The following SV2B variants were observed in gnomAD, a reference collection of about 807,000 sequenced individuals.
The protein encoded by SV2B is solute carrier family 22 member B2.
A neutral mutation model predicts 73.9 loss-of-function variants in SV2B; 41 were observed. The observed-to-expected ratio is 0.56, with a 90% CI of 0.43 to 0.72. The LOEUF (loss-of-function observed/expected upper bound fraction) is 0.72, where lower values mean the gene tolerates loss of function less well. Among genes scored for constraint, SV2B ranks in the 30% least tolerant of loss-of-function variants. The pLI is 0.00. For synonymous variants in SV2B, 314 were observed against 314.2 expected (o/e 1.00, Z 0.01); for missense variants, 764 against 857.8 (o/e 0.89, Z 1.37).
chr15:91,257,596 T>G (rs2047743145), intron 4 of SV2B, among the ~76,000 whole-genome samples: 2 of 152,222 alleles, frequency 1.3e-5, no homozygotes, highest in African/African-American at 2.4e-5. Flanking sequence ...TGTGTAGCCG[T>G]ATAACAGCTT....
intron 1 of SV2B, among the ~76,000 whole-genome samples, chr15:91,156,088 G>A (rs961983530): frequency 6.6e-6 from 1 of 152,098 alleles, no homozygotes; most frequent in African/African-American, 2.4e-5. Context: ...AGTGTTTTAT[G>A]TTCGTGTCAG....
intron 1 of SV2B, among the ~76,000 whole-genome samples, chr15:91,117,982 G>T (rs977610632): frequency 6.6e-6 from 1 of 152,162 alleles, no homozygotes; most frequent in East Asian, 1.9e-4. Context: ...AATTCCTCAT[G>T]ACTTTCAAGA....
At position 91,157,174 on chromosome 15, in the gene SV2B, C is replaced by G. The variant is rs546003794; in HGVS notation, c.-392+56811C>G. 2.0e-5 allele frequency among the ~76,000 whole-genome samples: 3 copies of G among 152,126 alleles called. No individual in the cohort carries two copies. The South Asian group carries it at 6.2e-4, about 32-fold the overall frequency. On this transcript the variant is annotated intron_variant, in intron 1 of 12. Transcript: ENST00000394232. ...TTTTTACCTTTTTCCCATTTCTACT[C>G]GTCAAAGTCTGCAGAACCTTCCGGG...
At chr15:91,256,527 A>T (rs1311613881) in intron 4 of SV2B, among the ~76,000 whole-genome samples, 1 of 152,188 alleles carries the variant, frequency 6.6e-6, no homozygotes, top group Non-Finnish European at 1.5e-5. Flanking sequence ...ATGCCAGAGT[A>T]GTTTTTGCAC....
At chr15:91,135,008 T>A (rs959401343) in intron 1 of SV2B, among the ~76,000 whole-genome samples, 4 of 151,830 alleles carry the variant, frequency 2.6e-5, no homozygotes, top group Admixed American at 1.3e-4. Context: ...TTTTTTTTTT[T>A]TTTTATTTTG....
At chr15:91,135,625 C>A (rs2042798028) in intron 1 of SV2B, among the ~76,000 whole-genome samples, 1 of 152,152 alleles carries the variant, frequency 6.6e-6, no homozygotes, top group African/African-American at 2.4e-5. Context: ...AAAATCGAAA[C>A]CATGACGCCA....
rs1290365139 is a variant in SV2B at position 91,233,108 on chromosome 15, G to A, written c.451+6394G>A. 8.5e-5 allele frequency among the ~76,000 whole-genome samples: 13 copies of A among 152,114 alleles called. No individual in the cohort carries two copies. In the South Asian group the frequency reaches 1.2e-3, roughly 15 times the overall value. On this transcript the variant is annotated intron_variant, in intron 2 of 12. Coordinates refer to ENST00000394232, the MANE Select transcript of SV2B (RefSeq NM_001323032.3). ...CCACCTTTTCTTTATCCAATCCCCC[G>A]TTGATGGGCACTTATGTTGATTCGA...
Position 91,226,105 on chromosome 15 carries a change from AG to A in SV2B, c.-150del, listed in dbSNP as rs530516419. 1.5e-3 allele frequency: 1,008 copies of A among 656,838 alleles called. No homozygotes were observed. Among genetic ancestry groups the A allele is most frequent in the Admixed American group, 2.7e-3 (85 of 31,368 alleles). The allele number at this position is 656,838 out of a possible 1,614,324, so 40.7% of individuals were successfully genotyped here. On this transcript the variant is annotated 5_prime_UTR_variant, in exon 2 of 13. Coordinates refer to ENST00000394232, the MANE Select transcript of SV2B (RefSeq NM_001323032.3). ...CAAATCTGGTTGATTTGAGAGATAA[AG>A]GGGGGGGGAACCAGTGTGACTTTCA...
intron 1 of SV2B, among the ~76,000 whole-genome samples, chr15:91,199,485 G>C (rs78191364): frequency 6.6e-6 from 1 of 152,190 alleles, no homozygotes; most frequent in South Asian, 2.1e-4. Flanking sequence ...AGAATGGGTC[G>C]TGGGTTTCTG....
chr15:91,223,904 G>C lies in SV2B; in HGVS notation c.-391-1969G>C, dbSNP rs2141476720. Among the ~76,000 whole-genome samples the C allele has an allele frequency of 6.6e-6, 1 of 152,380 alleles. No individual in the cohort carries two copies. Among genetic ancestry groups the C allele is most frequent in the South Asian group, 2.1e-4 (1 of 4,828 alleles). On this transcript the variant is annotated intron_variant, in intron 1 of 12. Transcript: ENST00000394232. This position sits in a 1 kb window ranked among gnomAD's most constrained non-coding sequence, Gnocchi z 4.6. ...TTATTTGTGGAAAATGCAGATTGCA[G>C]GGCCCTGCCCTATCCTGCAGATTCA...
chr15:91,282,440 A>G (rs2048712906), intron 10 of SV2B, among the ~76,000 whole-genome samples: 1 of 152,216 alleles, frequency 6.6e-6, no homozygotes, highest in African/African-American at 2.4e-5. Context: ...TACTACCCTC[A>G]TCATAAATTA....
intron 1 of SV2B, among the ~76,000 whole-genome samples, chr15:91,138,060 AAAGAC>A (rs1409304239): frequency 3.3e-5 from 5 of 152,214 alleles, no homozygotes; most frequent in Non-Finnish European, 7.3e-5. Flanking sequence ...TCACATGAAG[AAAGAC>A]AAGATTTTAT....
chr15:91,174,628 G>A (rs2044239566), intron 1 of SV2B, among the ~76,000 whole-genome samples: 2 of 152,330 alleles, frequency 1.3e-5, no homozygotes, highest in Admixed American at 6.5e-5. Context: ...AGCTCAGGCA[G>A]TTTACACTCT....
Position 91,121,268 on chromosome 15 carries a change from T to C in SV2B, c.-392+20905T>C, listed in dbSNP as rs2042327197. 6.6e-6 allele frequency among the ~76,000 whole-genome samples: 1 copy of C among 152,198 alleles called. No homozygotes were observed. The highest frequency in any genetic ancestry group is 1.9e-4 in the East Asian group (1 of 5,202). On this transcript the variant is annotated intron_variant, in intron 1 of 12. Coordinates refer to ENST00000394232, the MANE Select transcript of SV2B (RefSeq NM_001323032.3). The surrounding 1 kb of genome is among the most constrained non-coding windows in gnomAD (Gnocchi z 4.4). ...TATCTAGTGCTGTGGTTCTCAATCC[T>C]GGCTGTACTTTAGAATCAAGTGAGA...
rs1389297994 is a variant in SV2B at position 91,106,653 on chromosome 15, C to CA, written c.-392+6296dup. Among the ~76,000 whole-genome samples the CA allele has an allele frequency of 6.6e-6, 1 of 152,006 alleles. No homozygotes were observed. Among genetic ancestry groups the CA allele is most frequent in the Admixed American group, 6.6e-5 (1 of 15,260 alleles). On this transcript the variant is annotated intron_variant, in intron 1 of 12. Transcript: ENST00000394232. The surrounding 1 kb of genome is among the most constrained non-coding windows in gnomAD (Gnocchi z 4.4). Reference sequence around the variant, plus strand: ...GAAAGAAAGAGGAACAAGTGGAAACCAAAAAATAGCTCATATTTTCAAAAA... The same window carrying CA: ...GAAAGAAAGAGGAACAAGTGGAAACCAAAAAAATAGCTCATATTTTCAAAAA...
In SV2B at chr15:91,240,227, A is replaced by G. The variant is rs908402428; in HGVS notation, c.452-11592A>G. ...CATCACTAACCCTATCATCTTACAC[A>G]AGTAACTTAACCTCCCTAACCTTGG... On this transcript the variant is annotated intron_variant, in intron 2 of 12. Transcript: ENST00000394232. The surrounding 1 kb of genome is among the most constrained non-coding windows in gnomAD (Gnocchi z 4.6). Among the ~76,000 whole-genome samples, 1 of 152,184 alleles carries G rather than the reference A, an allele frequency of 6.6e-6. No homozygotes were observed. Among genetic ancestry groups the G allele is most frequent in the African/African-American group, 2.4e-5 (1 of 41,438 alleles).
chr15:91,157,097 G>A (rs888922201), intron 1 of SV2B, among the ~76,000 whole-genome samples: 3 of 152,196 alleles, frequency 2.0e-5, no homozygotes, highest in African/African-American at 7.2e-5. Flanking sequence ...ATGGGAGCAG[G>A]TTAAAGAGGG....
At position 91,293,923 on chromosome 15, in the gene SV2B, C is replaced by G. The variant is rs983285727; in HGVS notation, c.*1371C>G. On this transcript the variant is annotated 3_prime_UTR_variant, in exon 13 of 13. Coordinates refer to ENST00000394232, the MANE Select transcript of SV2B (RefSeq NM_001323032.3). ...ACAGGGGTGTGGGTTGGGGGAGGAG[C>G]TTAGGACAAACCTCTCTGATGAAGG... 2 of 152,214 alleles carry G rather than the reference C, an allele frequency of 1.3e-5. No homozygotes were observed. The highest frequency in any genetic ancestry group is 4.8e-5 in the African/African-American group (2 of 41,428). The allele number at this position is 152,214 out of a possible 1,614,324, so 9.4% of individuals were successfully genotyped here.
intron 1 of SV2B, among the ~76,000 whole-genome samples, chr15:91,125,781 C>CAAACAAAAAAAAAAAAA (rs2042460797): frequency 1.8e-5 from 1 of 57,118 alleles, no homozygotes; most frequent in African/African-American, 6.4e-5. Context: ...TCTCAAGGGG[C>CAAACAAAAAAAAAAAAA]AAAAAAAAAA....
Sources: gnomAD v4.1 joint callset for allele counts (sites outside exome capture counted in the v4.1 genomes callset) on GRCh38, gnomAD v4.1.1 for gene constraint, Gnocchi (gnomAD v3.1) non-coding constraint, MANE v1.5 for transcripts, NCBI Gene and HGNC (gene_info 2026-07-23, HGNC 2026-07-21) for gene names.